Variants in GRM5 observed in about 807,000 individuals in gnomAD.
GRM5 encodes the protein metabotropic glutamate receptor 5.
Under a neutral mutation model 83.1 loss-of-function variants are expected in GRM5, and 19 were observed. The ratio of observed to expected loss-of-function variants is 0.23; its 90% CI spans 0.16 to 0.34. GRM5 has a LOEUF of 0.34. Ranked by LOEUF, GRM5 falls within the 10% of genes least tolerant of loss-of-function variation. The pLI is 1.00. For missense variants in GRM5, 1,160 were observed against 1,588.3 expected, an observed-to-expected ratio of 0.73 and a Z score of 4.58; for synonymous variants, 675 against 633.6, an observed-to-expected ratio of 1.07 and a Z score of -0.98.
At chr11:88,618,567 C>T (rs749143246) in intron 4 of GRM5, among the ~76,000 whole-genome samples, 3 of 150,810 alleles carry the variant, frequency 2.0e-5, no homozygotes, top group Non-Finnish European at 4.4e-5. Flanking sequence ...GTGCTGGATG[C>T]TGCTGACAGA....
chr11:88,909,642 T>C (rs915018778), intron 2 of GRM5, among the ~76,000 whole-genome samples: 1 of 152,026 alleles, frequency 6.6e-6, no homozygotes, highest in African/African-American at 2.4e-5. Flanking sequence ...TTTCTATGTT[T>C]GCTTGTTGTT....
chr11:88,962,223 C>G (rs1938807049), intron 2 of GRM5, among the ~76,000 whole-genome samples: 1 of 152,158 alleles, frequency 6.6e-6, no homozygotes, highest in Admixed American at 6.5e-5. Context: ...CACCAATACA[C>G]TTATGCATCA....
chr11:88,786,772 T>C (rs1943076949), intron 3 of GRM5, among the ~76,000 whole-genome samples: 1 of 152,112 alleles, frequency 6.6e-6, no homozygotes, highest in African/African-American at 2.4e-5. Flanking sequence ...TTACATACCT[T>C]TCTGTGTCTA....
chr11:89,020,679 G>T (rs575142170), intron 2 of GRM5, among the ~76,000 whole-genome samples: 2 of 152,052 alleles, frequency 1.3e-5, no homozygotes, highest in African/African-American at 4.8e-5. Flanking sequence ...TGCCTATCTG[G>T]TTTTTGATGA....
intron 3 of GRM5, among the ~76,000 whole-genome samples, chr11:88,697,998 G>A (rs893212887): frequency 6.6e-6 from 1 of 152,128 alleles, no homozygotes; most frequent in Non-Finnish European, 1.5e-5. Context: ...CTTTTCTCCA[G>A]CTCTGCTAGC....
chr11:88,754,930 C>T lies in GRM5; in HGVS notation c.911+94976G>A, dbSNP rs7126855. Among the ~76,000 whole-genome samples the T allele has an allele frequency of 8.8e-3, 1,345 of 152,214 alleles. 27 individuals are homozygous for T. Among genetic ancestry groups the T allele is most frequent in the African/African-American group, 0.031 (1,293 of 41,550 alleles). On this transcript the variant is annotated intron_variant, in intron 3 of 9. Transcript: ENST00000305447. The stretch of plus-strand genomic sequence containing the variant: ...ACTTCAGCTTATTTTTGGGTCATCA[C>T]TCATAGGCTGTGCAGCTCTGAACAA...
chr11:88,724,999 C>T (rs544293564), intron 3 of GRM5, among the ~76,000 whole-genome samples: 2 of 152,240 alleles, frequency 1.3e-5, no homozygotes, highest in East Asian at 1.9e-4. Context: ...AGTGAGCTAG[C>T]TGCAGTTTTT....
intron 3 of GRM5, among the ~76,000 whole-genome samples, chr11:88,699,536 G>C (rs964088): frequency 0.57 from 86,013 of 152,048 alleles, 27,070 homozygotes; most frequent in South Asian, 0.8. Flanking sequence ...CTTCATCTAA[G>C]AGCAGCTAGG....
chr11:88,681,547 C>A (rs1252285157), intron 3 of GRM5, among the ~76,000 whole-genome samples: 39 of 96,696 alleles, frequency 4.0e-4, no homozygotes, highest in African/African-American at 1.2e-3. Flanking sequence ...TTTATAAACT[C>A]AAGAGGTTGA....
rs201310890 is a variant in GRM5 at position 88,528,962 on chromosome 11, A to AT, written c.2631-3559dup. 8.5e-5 allele frequency among the ~76,000 whole-genome samples: 13 copies of AT among 152,162 alleles called. No homozygotes were observed. The East Asian group carries it at 2.3e-3, about 27-fold the overall frequency. On this transcript the variant is annotated intron_variant, in intron 8 of 9. Transcript: ENST00000305447. Reference sequence around the variant, plus strand: ...TCTAAAGCTCATGCTATTTCCATTAATTTTTCCTCCAAGTAACAATATTAC... The same window carrying AT: ...TCTAAAGCTCATGCTATTTCCATTAATTTTTTCCTCCAAGTAACAATATTAC...
chr11:88,918,610 T>C (rs2135623763), intron 2 of GRM5, among the ~76,000 whole-genome samples: 1 of 152,146 alleles, frequency 6.6e-6, no homozygotes, highest in South Asian at 2.1e-4. Context: ...GTAACTGTAA[T>C]TGTGGTGTGT....
At chr11:88,586,733 G>A (rs2135201307) in intron 7 of GRM5, among the ~76,000 whole-genome samples, 1 of 152,274 alleles carries the variant, frequency 6.6e-6, no homozygotes, top group South Asian at 2.1e-4. Flanking sequence ...GTAGATTCCA[G>A]TTAAAGGTTA....
chr11:88,784,184 A>T (rs1943024449), intron 3 of GRM5, among the ~76,000 whole-genome samples: 1 of 152,104 alleles, frequency 6.6e-6, no homozygotes, highest in South Asian at 2.1e-4. Flanking sequence ...ACAAGCATGT[A>T]TCTTGTTTGT....
At chr11:89,064,886 CTCTGTGTGTGTG>C (rs1256381720) in intron 1 of GRM5, among the ~76,000 whole-genome samples, 2 of 72,694 alleles carry the variant, frequency 2.8e-5, no homozygotes, top group Non-Finnish European at 5.6e-5. Flanking sequence ...CTCTCTCTCT[CTCTGTGTGTGTG>C]TGTGTGTGTG....
At chr11:88,715,957 C>T (rs1941390836) in intron 3 of GRM5, among the ~76,000 whole-genome samples, 1 of 151,924 alleles carries the variant, frequency 6.6e-6, no homozygotes, top group African/African-American at 2.4e-5. Context: ...GATGCACAGC[C>T]ACATTTAGGA....
intron 3 of GRM5, among the ~76,000 whole-genome samples, chr11:88,654,340 C>T (rs968025168): frequency 6.6e-6 from 1 of 152,008 alleles, no homozygotes; most frequent in Non-Finnish European, 1.5e-5. Context: ...TGTTTGTATA[C>T]AATTTGGGTA....
At chr11:89,055,864 T>C (rs1941863818) in intron 1 of GRM5, among the ~76,000 whole-genome samples, 1 of 152,076 alleles carries the variant, frequency 6.6e-6, no homozygotes, top group African/African-American at 2.4e-5. Context: ...TGAAATGACA[T>C]TTAGTTGTCA....
chr11:88,832,298 A>G (rs1010265469), intron 3 of GRM5, among the ~76,000 whole-genome samples: 4 of 152,244 alleles, frequency 2.6e-5, no homozygotes, highest in African/African-American at 9.6e-5. Context: ...ATTAAAACTA[A>G]AATACCAGTA....
chr11:88,787,607 C>T lies in GRM5; in HGVS notation c.911+62299G>A, dbSNP rs1377055313. Among the ~76,000 whole-genome samples the T allele has an allele frequency of 3.3e-5, 5 of 152,004 alleles. No homozygotes were observed. In the East Asian group the frequency reaches 9.7e-4, roughly 29 times the overall value. On this transcript the variant is annotated intron_variant, in intron 3 of 9. Coordinates refer to ENST00000305447, the MANE Select transcript of GRM5 (RefSeq NM_001143831.3). ...AATGGAACTGGAATAATAGGAGGCT[C>T]TTATAGCCATCCAGGTGAGATCCCA... is the stretch of plus-strand genomic sequence containing the variant.
Sources: gnomAD v4.1 joint callset for allele counts (sites outside exome capture counted in the v4.1 genomes callset) on GRCh38, gnomAD v4.1.1 for gene constraint, MANE v1.5 for transcripts, NCBI Gene and HGNC (gene_info 2026-07-23, HGNC 2026-07-21) for gene names.